Variants in PIK3C2G observed in about 807,000 individuals in gnomAD.
PIK3C2G encodes phosphatidylinositol 3-kinase C2 domain-containing subunit gamma.
A neutral mutation model predicts 181.1 loss-of-function variants in PIK3C2G; 168 were observed. The ratio of observed to expected loss-of-function variants is 0.93; its 90% CI spans 0.82 to 1.05. The LOEUF is 1.05. Ranked by LOEUF, PIK3C2G falls within the 50% of genes least tolerant of loss-of-function variation. The pLI is 0.00. For synonymous variants in PIK3C2G, 573 were observed against 592.2 expected, an observed-to-expected ratio of 0.97 and a Z score of 0.47; for missense variants, 1,869 against 1,732.8, an observed-to-expected ratio of 1.08 and a Z score of -1.40.
intron 18 of PIK3C2G, among the ~76,000 whole-genome samples, chr12:18,481,966 T>C (rs1939601428): frequency 6.6e-6 from 1 of 152,202 alleles, no homozygotes; most frequent in Non-Finnish European, 1.5e-5. Context: ...TTGAGCATAG[T>C]AGGTCTCAAA....
chr12:18,485,865 G>A (rs41368644), intron 18 of PIK3C2G, among the ~76,000 whole-genome samples: 1 of 152,100 alleles, frequency 6.6e-6, no homozygotes, highest in Admixed American at 6.6e-5. Context: ...AACCTTAAAA[G>A]AGAGTGGCCA....
At chr12:18,414,755 T>C (rs975131036) in intron 16 of PIK3C2G, among the ~76,000 whole-genome samples, 1 of 152,200 alleles carries the variant, frequency 6.6e-6, no homozygotes, top group Non-Finnish European at 1.5e-5. Context: ...TTGACCTATA[T>C]TGCCAACAAG....
intron 6 of PIK3C2G, among the ~76,000 whole-genome samples, chr12:18,319,751 T>C (rs1157259674): frequency 6.6e-6 from 1 of 152,134 alleles, no homozygotes; most frequent in Non-Finnish European, 1.5e-5. Flanking sequence ...TTTTTACTGT[T>C]TTTCACTTTC....
intron 25 of PIK3C2G, among the ~76,000 whole-genome samples, chr12:18,545,475 A>G (rs530866725): frequency 1.3e-5 from 2 of 151,496 alleles, no homozygotes; most frequent in East Asian, 3.9e-4. Flanking sequence ...ATAATTTATC[A>G]TCTTAGTCAT....
In PIK3C2G at chr12:18,427,500, T is replaced by TAAA. The variant is rs59178829; in HGVS notation, c.2504+3478_2504+3480dup. Among the ~76,000 whole-genome samples, 36 of 114,836 alleles carry TAAA rather than the reference T, an allele frequency of 3.1e-4. 1 individual carries two copies. Among genetic ancestry groups the TAAA allele is most frequent in the Non-Finnish European group, 6.0e-4 (34 of 56,884 alleles). 75.3% of individuals were successfully genotyped at this position (114,836 alleles called of 152,430 possible). On this transcript the variant is annotated intron_variant, in intron 18 of 32. Transcript: ENST00000538779. ...TGGGCTGACAACAGCGAGACTCCAT[T>TAAA]AAAAAAAAAAAAAAAAAAAGTTTTA...
rs1416530411 is a variant in PIK3C2G, at chr12:18,437,228, T to C, written c.2504+13189T>C. Among the ~76,000 whole-genome samples the C allele has an allele frequency of 3.3e-5, 5 of 151,962 alleles. No individual in the cohort carries two copies. In the East Asian group the frequency reaches 9.6e-4, roughly 29 times the overall value. On this transcript the variant is annotated intron_variant, in intron 18 of 32. Transcript: ENST00000538779. ...CTTGAAAATGTTGAATGGGGATTTT[T>C]CTTGCTTTTCTTCTAATTCAATTTT...
At chr12:18,267,915 G>A (rs1200509294) in intron 1 of PIK3C2G, among the ~76,000 whole-genome samples, 2 of 152,148 alleles carry the variant, frequency 1.3e-5, no homozygotes, top group African/African-American at 2.4e-5. Flanking sequence ...GCGACATTTT[G>A]CATTAATGCA....
rs1949271777 is a variant in PIK3C2G at position 18,282,683 on chromosome 12, T to A, written c.602T>A (p.Val201Glu). 22 of 1,613,396 alleles carry A rather than the reference T, an allele frequency of 1.4e-5. No homozygotes were observed. Among genetic ancestry groups the A allele is most frequent in the Non-Finnish European group, 1.9e-5 (22 of 1,179,598 alleles). The change falls in exon 2 of 33, where the codon GTG becomes GAG. Residue 201 changes from valine to glutamate, a missense_variant. By Grantham distance (121) the Val-to-Glu change is moderately radical. Transcript: ENST00000538779. ...AAAAGGAGTGGACATGTGAACATTGTGGAACCATCTTTGATGCTTTTGAAA... is the reference window on the plus strand; with the variant it reads ...AAAAGGAGTGGACATGTGAACATTGAGGAACCATCTTTGATGCTTTTGAAA... The part of the protein sequence containing the change: ...ENKRSGHVNI[V>E]EPSLMLLKGS...
At chr12:18,602,611 A>C (rs1008374341) in intron 30 of PIK3C2G, among the ~76,000 whole-genome samples, 3 of 152,066 alleles carry the variant, frequency 2.0e-5, no homozygotes, top group Non-Finnish European at 4.4e-5. Context: ...AAGGACCCCC[A>C]CAGAGTCTAT....
chr12:18,598,874 G>A (rs900895910), intron 30 of PIK3C2G, among the ~76,000 whole-genome samples: 5 of 151,914 alleles, frequency 3.3e-5, no homozygotes, highest in African/African-American at 1.2e-4. Flanking sequence ...AGACATTTAT[G>A]CAGCCAAAAA....
chr12:18,423,378 G>T (rs78780098), intron 17 of PIK3C2G, among the ~76,000 whole-genome samples: 2 of 151,990 alleles, frequency 1.3e-5, no homozygotes, highest in Non-Finnish European at 1.5e-5. Context: ...AGGATAGTGG[G>T]GGCTGCCACT....
intron 26 of PIK3C2G, among the ~76,000 whole-genome samples, chr12:18,556,573 T>C (rs946269877): frequency 2.0e-5 from 3 of 152,156 alleles, no homozygotes; most frequent in Non-Finnish European, 2.9e-5. Context: ...TCATGAGAAG[T>C]GAGTGCATGC....
At position 18,631,924 on chromosome 12, in the gene PIK3C2G, T is replaced by C. The variant is rs201382249; in HGVS notation, c.4183-8505T>C. On this transcript the variant is annotated intron_variant, in intron 31 of 32. Transcript: ENST00000538779. ...GATCTCTAGGCTGGGATCCTAGGGA[T>C]CAACTAGAGATTCTTATTTGGGAGT... Among the ~76,000 whole-genome samples, 21 of 152,282 alleles carry C rather than the reference T, an allele frequency of 1.4e-4. No homozygotes were observed. In the East Asian group the frequency reaches 3.3e-3, roughly 24 times the overall value.
At chr12:18,344,655 C>T (rs2137647996) in intron 10 of PIK3C2G, among the ~76,000 whole-genome samples, 1 of 152,232 alleles carries the variant, frequency 6.6e-6, no homozygotes, top group South Asian at 2.1e-4. Context: ...CAAAACTGTA[C>T]AGAAATGTTC....
At chr12:18,513,561 G>C (rs555495974) in intron 24 of PIK3C2G, among the ~76,000 whole-genome samples, 30 of 151,644 alleles carry the variant, frequency 2.0e-4, no homozygotes, top group Admixed American at 1.9e-3. Context: ...AATTCTTCAA[G>C]GTTATCCAAT....
chr12:18,693,327 T>C, the PIK3C2G span: 3 of 1,549,060 alleles, frequency 1.9e-6, no homozygotes, highest in South Asian at 3.3e-5. Flanking sequence ...CCAAGAGACC[T>C]ATGCAGATAC....
chr12:18,528,537 T>A (rs1943370865), intron 24 of PIK3C2G, among the ~76,000 whole-genome samples: 2 of 152,200 alleles, frequency 1.3e-5, no homozygotes, highest in South Asian at 2.1e-4. Flanking sequence ...GTCTTTCAGT[T>A]TGGGATTTAA....
intron 30 of PIK3C2G, among the ~76,000 whole-genome samples, chr12:18,602,073 A>G (rs1329761966): frequency 6.6e-6 from 1 of 152,142 alleles, no homozygotes; most frequent in Non-Finnish European, 1.5e-5. Context: ...TCCGGCTTGG[A>G]GACTTCACAG....
intron 31 of PIK3C2G, among the ~76,000 whole-genome samples, chr12:18,611,604 C>A (rs1053529693): frequency 6.6e-6 from 1 of 152,062 alleles, no homozygotes; most frequent in Non-Finnish European, 1.5e-5. Flanking sequence ...GTCTCAGACT[C>A]AATATGCACC....
Sources: allele counts gnomAD v4.1 joint callset (sites outside exome capture counted in the v4.1 genomes callset), GRCh38; gene constraint gnomAD v4.1.1; transcripts MANE v1.5; gene names NCBI Gene and HGNC (gene_info 2026-07-23, HGNC 2026-07-21).